Variants in GTF3C5 observed in about 807,000 individuals in gnomAD.
GTF3C5 encodes the protein general transcription factor IIIC subunit 5, also known as general transcription factor 3C polypeptide 5.
Under a neutral mutation model 61.0 loss-of-function variants are expected in GTF3C5, and 47 were observed. The observed-to-expected ratio is 0.77, with a 90% confidence interval of 0.61 to 0.98. GTF3C5 has a LOEUF of 0.98. Ranked by LOEUF, GTF3C5 falls within the 50% of genes least tolerant of loss-of-function variation. GTF3C5 has a pLI of 0.00. For missense variants in GTF3C5, 659 were observed against 703.3 expected (o/e 0.94, Z 0.71); for synonymous variants, 295 against 275.4 (o/e 1.07, Z -0.71).
intron 1 of GTF3C5, among the ~76,000 whole-genome samples, chr9:133,037,715 A>G (rs1443323754): frequency 6.6e-6 from 1 of 152,132 alleles, no homozygotes; most frequent in Non-Finnish European, 1.5e-5. Flanking sequence ...GCAGAAATTT[A>G]ACGTGGGCTG....
chr9:133,049,429 A>G (rs544808556), intron 3 of GTF3C5, among the ~76,000 whole-genome samples: 13 of 152,238 alleles, frequency 8.5e-5, no homozygotes, highest in Admixed American at 5.9e-4. Flanking sequence ...AATTACTGCT[A>G]TTCTTTGTAA....
At chr9:133,039,814 G>T (rs1052440273) in intron 1 of GTF3C5, among the ~76,000 whole-genome samples, 2 of 152,168 alleles carry the variant, frequency 1.3e-5, no homozygotes, top group Non-Finnish European at 2.9e-5. Flanking sequence ...CAGCAATCTA[G>T]TGAGTTAGAT....
At chr9:133,054,630 C>G (rs1829873930) in intron 7 of GTF3C5, 82 bp from the exon 8 acceptor site, 1 of 1,426,318 alleles carries the variant, frequency 7.0e-7, no homozygotes, top group African/African-American at 1.4e-5. Flanking sequence ...GGTGGGCTGG[C>G]AGGAGGGCAG....
rs144659860 is a variant in GTF3C5, at chr9:133,031,056, C to T, written c.45C>T (p.Pro15=). Residue 15 remains proline (P), a synonymous_variant, in exon 1 of 11, where the codon CCC becomes CCT. Coordinates refer to ENST00000372097, the MANE Select transcript of GTF3C5 (RefSeq NM_012087.4). ...AADLGLGAAV[P]VELRRERRMV... ...ATTTGGGGCTGGGGGCCGCCGTCCC[C>T]GTGGAGCTGAGGCGGGAGCGACGCA... 3.5e-4 allele frequency: 571 copies of T among 1,612,160 alleles called. 2 individuals are homozygous for T. The African/African-American group carries it at 7.0e-3, about 20-fold the overall frequency.
rs189661524 is a variant in GTF3C5, at chr9:133,053,794, C to G, written c.874-34C>G. 651 of 1,419,594 alleles carry G rather than the reference C, an allele frequency of 4.6e-4. 4 individuals carry two copies. In the African/African-American group the frequency reaches 7.6e-3, roughly 17 times the overall value. 87.9% of individuals were successfully genotyped at this position (1,419,594 alleles called of 1,614,324 possible). On this transcript the variant is annotated intron_variant, in intron 5 of 10. Transcript: ENST00000372097. ...CCCGTCCAGGGACCTGGGCCTTCACCTCACCTCACATTTTCCCCACTTTTC... is the reference window on the plus strand; with the variant it reads ...CCCGTCCAGGGACCTGGGCCTTCACGTCACCTCACATTTTCCCCACTTTTC...
chr9:133,055,546 AAC>A, intron 8 of GTF3C5: 1 of 985,374 alleles, frequency 1.0e-6, no homozygotes, highest in Non-Finnish European at 1.2e-6. Context: ...CTTACTCTAG[AAC>A]TACATGGCTG....
chr9:133,055,934 G>A, intron 8 of GTF3C5, 78 bp from the exon 9 acceptor site: 1 of 1,592,610 alleles, frequency 6.3e-7, no homozygotes, highest in South Asian at 1.1e-5. Context: ...CCCCATGGGA[G>A]CCTACATGGA....
At chr9:133,032,764 A>G (rs1416482045) in intron 1 of GTF3C5, among the ~76,000 whole-genome samples, 1 of 152,218 alleles carries the variant, frequency 6.6e-6, no homozygotes, top group African/African-American at 2.4e-5. Flanking sequence ...GGCAAGGGAC[A>G]TAAGGATCGA....
chr9:133,041,280 G>T (rs1850030784), intron 1 of GTF3C5, among the ~76,000 whole-genome samples: 1 of 152,204 alleles, frequency 6.6e-6, no homozygotes, highest in Admixed American at 6.5e-5. Flanking sequence ...ACATCAGTCA[G>T]ACCTGCCCGC....
intron 1 of GTF3C5, among the ~76,000 whole-genome samples, chr9:133,035,558 A>G (rs1435926567): frequency 6.6e-6 from 1 of 152,170 alleles, no homozygotes; most frequent in Admixed American, 6.5e-5. Flanking sequence ...GGTTTGGATA[A>G]CATTTCTCTT....
intron 2 of GTF3C5, among the ~76,000 whole-genome samples, chr9:133,043,246 A>G (rs1850089691): frequency 6.6e-6 from 1 of 152,168 alleles, no homozygotes; most frequent in Admixed American, 6.5e-5. Context: ...TTCCCAAGTG[A>G]TTCATAAAAC....
chr9:133,043,715 C>T lies in GTF3C5; in HGVS notation c.374-13C>T. 1 of 1,611,818 alleles carries T rather than the reference C, an allele frequency of 6.2e-7. No individual in the cohort carries two copies. ...GGACTCAATGTCTGCCATCTGCCCA[C>T]CTCTCTTTCTAGGGATGTCTGACTT... is the stretch of plus-strand genomic sequence containing the variant. On this transcript the variant is annotated splice_polypyrimidine_tract_variant and intron_variant, in intron 2 of 10. Coordinates refer to ENST00000372097, the MANE Select transcript of GTF3C5 (RefSeq NM_012087.4).
chr9:133,039,625 G>A (rs1207231344), intron 1 of GTF3C5, among the ~76,000 whole-genome samples: 3 of 152,110 alleles, frequency 2.0e-5, no homozygotes, highest in South Asian at 2.1e-4. Context: ...GGATGGTCTC[G>A]AACTCCTGGG....
At chr9:133,035,409 T>C (rs1280542055) in intron 1 of GTF3C5, among the ~76,000 whole-genome samples, 1 of 152,204 alleles carries the variant, frequency 6.6e-6, no homozygotes, top group Admixed American at 6.5e-5. Context: ...TCTTTTTGCA[T>C]ATTAGACAAC....
At chr9:133,049,298 C>T (rs1850302657) in intron 3 of GTF3C5, among the ~76,000 whole-genome samples, 1 of 152,200 alleles carries the variant, frequency 6.6e-6, no homozygotes, top group Non-Finnish European at 1.5e-5. Flanking sequence ...CCCGGTTTTC[C>T]TGGGGAACAT....
At chr9:133,057,665 C>T in intron 10 of GTF3C5, 149 bp from the exon 11 acceptor site, 1 of 640,050 alleles carries the variant, frequency 1.6e-6, no homozygotes, top group Non-Finnish European at 2.6e-6. Context: ...CCCTGGGGGG[C>T]CTCCACCCCA....
At chr9:133,041,532 G>A (rs567344369) in intron 1 of GTF3C5, among the ~76,000 whole-genome samples, 30 of 152,282 alleles carry the variant, frequency 2.0e-4, no homozygotes, top group Admixed American at 3.3e-4. Context: ...CATAACCCAC[G>A]TGACCTTACC....
At chr9:133,054,840 G>C in intron 8 of GTF3C5, 31 bp downstream of exon 8, 1 of 1,548,416 alleles carries the variant, frequency 6.5e-7, no homozygotes, top group Admixed American at 2.0e-5. Flanking sequence ...GGAATGGAGG[G>C]GAGGACTTCC....
chr9:133,035,781 T>C (rs1849844978), intron 1 of GTF3C5, among the ~76,000 whole-genome samples: 1 of 152,188 alleles, frequency 6.6e-6, no homozygotes, highest in Admixed American at 6.5e-5. Flanking sequence ...ACCTTTCTGG[T>C]GTCCTGGGAC....
Sources: gnomAD v4.1 joint callset for allele counts (sites outside exome capture counted in the v4.1 genomes callset) on GRCh38, gnomAD v4.1.1 for gene constraint, MANE v1.5 for transcripts, NCBI Gene and HGNC (gene_info 2026-07-23, HGNC 2026-07-21) for gene names.